Variants in TRPV4 observed in about 807,000 individuals in gnomAD.
The protein encoded by TRPV4 is OSM9-like transient receptor potential channel 4.
A neutral mutation model predicts 84.1 loss-of-function variants in TRPV4; 58 were observed. That is an observed-to-expected ratio of 0.69 (90% CI 0.56 to 0.86). The LOEUF (loss-of-function observed/expected upper bound fraction) is 0.86, where lower values mean the gene tolerates loss of function less well. TRPV4 is among the 40% of genes least tolerant of loss of function. The probability of loss-of-function intolerance (pLI) is 0.00; values close to 1 mark genes in which losing one functional copy is unlikely to be tolerated. For synonymous variants in TRPV4, 489 were observed against 500.9 expected (o/e 0.98, Z 0.32); for missense variants, 879 against 1,181.1 (o/e 0.74, Z 3.75).
At chr12:109,831,784 C>G (rs1232343768) in intron 1 of TRPV4, among the ~76,000 whole-genome samples, 1 of 152,248 alleles carries the variant, frequency 6.6e-6, no homozygotes, top group Non-Finnish European at 1.5e-5. Flanking sequence ...CTGGTTACCT[C>G]CATTTCAAAA....
At chr12:109,788,211 C>G (rs1889812818) in intron 13 of TRPV4, among the ~76,000 whole-genome samples, 189 bp downstream of exon 13, 1 of 152,268 alleles carries the variant, frequency 6.6e-6, no homozygotes, top group Non-Finnish European at 1.5e-5. Flanking sequence ...GAAGCCACCT[C>G]AAAATTCACT....
intron 3 of TRPV4, among the ~76,000 whole-genome samples, chr12:109,807,783 A>G (rs1861809): frequency 0.63 from 95,476 of 151,930 alleles, 31,420 homozygotes; most frequent in East Asian, 0.96. Flanking sequence ...CCCTAAAGCT[A>G]GGCTGGGGTG....
At chr12:109,830,576 G>A (rs1414834303) in intron 1 of TRPV4, among the ~76,000 whole-genome samples, 1 of 152,148 alleles carries the variant, frequency 6.6e-6, no homozygotes, top group African/African-American at 2.4e-5. Flanking sequence ...GCATTCCAGA[G>A]GGCCCACTGG....
At chr12:109,818,507 G>A (rs1891960473) in intron 1 of TRPV4, among the ~76,000 whole-genome samples, 1 of 152,038 alleles carries the variant, frequency 6.6e-6, no homozygotes, top group Non-Finnish European at 1.5e-5. Flanking sequence ...GAGTACCAGG[G>A]TACCACCCGA....
rs776505482 is a variant in TRPV4 at position 109,798,904 on chromosome 12, G to A, written c.862C>T (p.Pro288Ser). The A allele has an allele frequency of 6.2e-7, 1 of 1,610,576 alleles. No homozygotes were observed. Among genetic ancestry groups the A allele is most frequent in the Non-Finnish European group, 8.5e-7 (1 of 1,177,798 alleles). The stretch of plus-strand genomic sequence containing the variant: ...TTGGTGCAGGCAGCCAGCGACAGGG[G>A]CAGCTCCCCTGCGGGCCAGGGTGAA... ...EGGYFYFGEL[P>S]LSLAACTNQP... The change falls in exon 6 of 16, where the codon CCC becomes TCC. Residue 288 changes from proline (P) to serine (S), a missense_variant. Coordinates refer to ENST00000261740, the MANE Select transcript of TRPV4 (RefSeq NM_021625.5). This position sits in a 1 kb window ranked among gnomAD's most constrained non-coding sequence, Gnocchi z 5.0.
intron 1 of TRPV4, among the ~76,000 whole-genome samples, chr12:109,824,941 C>T (rs1191592285): frequency 6.6e-6 from 1 of 152,110 alleles, no homozygotes; most frequent in African/African-American, 2.4e-5. Context: ...ATCTCTGGGC[C>T]TTGGTTTCCT....
intron 1 of TRPV4, among the ~76,000 whole-genome samples, chr12:109,817,118 G>T (rs565852835): frequency 6.6e-6 from 1 of 152,298 alleles, no homozygotes; most frequent in East Asian, 1.9e-4. Flanking sequence ...CAGGAGAGGG[G>T]GATCTGGATC....
At chr12:109,800,410 A>AAG in intron 5 of TRPV4, among the ~76,000 whole-genome samples, 1 of 27,672 alleles carries the variant, frequency 3.6e-5, no homozygotes, top group East Asian at 9.4e-3. Flanking sequence ...GGTCCATGGT[A>AAG]CTCCCCATGG....
rs150934541 is a variant in TRPV4, at chr12:109,801,645, C to T, written c.713-887G>A. On this transcript the variant is annotated intron_variant, in intron 4 of 15. Transcript: ENST00000261740. ...GCATGAGAACGGGCTAATACAACAA[C>T]ATAGTGAGACCCTGTCTCTACAGAA... Among the ~76,000 whole-genome samples, 1,051 of 152,194 alleles carry T rather than the reference C, an allele frequency of 6.9e-3. 8 individuals carry two copies. Among genetic ancestry groups the T allele is most frequent in the Middle Eastern group, 0.014 (4 of 294 alleles).
intron 2 of TRPV4, among the ~76,000 whole-genome samples, chr12:109,808,932 C>A (rs908121581): frequency 2.6e-5 from 4 of 151,396 alleles, no homozygotes; most frequent in African/African-American, 9.7e-5. Flanking sequence ...CTCCATCTAT[C>A]CACCCATCCA....
intron 14 of TRPV4, among the ~76,000 whole-genome samples, chr12:109,784,860 CGTGTGT>C (rs58584964): frequency 3.2e-4 from 39 of 123,802 alleles, no homozygotes; most frequent in South Asian, 1.3e-3. Flanking sequence ...AAAAAAAAGA[CGTGTGT>C]GTGTGTGTGT....
Position 109,798,174 on chromosome 12 carries a change from C to T in TRPV4, c.1152+440G>A, listed in dbSNP as rs1232174430. On this transcript the variant is annotated intron_variant, in intron 6 of 15. Transcript: ENST00000261740. This position sits in a 1 kb window ranked among gnomAD's most constrained non-coding sequence, Gnocchi z 5.0. ...ATCAATGTCTGGCAATAGCACAAGA[C>T]GGTCCCCACCACAAAGAGCCTGCCG... 2.0e-5 allele frequency among the ~76,000 whole-genome samples: 3 copies of T among 152,176 alleles called. No individual in the cohort carries two copies. The highest frequency in any genetic ancestry group is 4.8e-5 in the African/African-American group (2 of 41,438).
intron 1 of TRPV4, among the ~76,000 whole-genome samples, chr12:109,820,254 A>G (rs1892039698): frequency 6.6e-6 from 1 of 152,118 alleles, no homozygotes; most frequent in African/African-American, 2.4e-5. Context: ...AGGAGTGGGC[A>G]AGTTAAGGGG....
At position 109,786,567 on chromosome 12, in the gene TRPV4, G is replaced by A; in HGVS notation, c.2336+143C>T. ...GGGCTGACTTGCCTGAGATCGCCTG[G>A]TGGAAATGAACTCTGCTCGGGCCTC... On this transcript the variant is annotated intron_variant, in intron 14 of 15. Coordinates refer to ENST00000261740, the MANE Select transcript of TRPV4 (RefSeq NM_021625.5). The surrounding 1 kb of genome is among the most constrained non-coding windows in gnomAD (Gnocchi z 4.5). 9.2e-7 allele frequency: 1 copy of A among 1,082,648 alleles called. No homozygotes were observed. The highest frequency in any genetic ancestry group is 1.3e-6 in the Non-Finnish European group (1 of 745,050). 67.1% of individuals were successfully genotyped at this position (1,082,648 alleles called of 1,614,324 possible). A position where few individuals can be genotyped will look rare whatever the true frequency, so the allele number is the denominator to read the frequency against.
intron 4 of TRPV4, among the ~76,000 whole-genome samples, chr12:109,801,320 T>C (rs1890769665): frequency 1.3e-5 from 2 of 152,208 alleles, no homozygotes; most frequent in Admixed American, 1.3e-4. Context: ...GTAGTTCCCA[T>C]AATCCCCATG....
intron 1 of TRPV4, among the ~76,000 whole-genome samples, chr12:109,823,343 C>T (rs1264573328): frequency 6.6e-6 from 1 of 152,202 alleles, no homozygotes; most frequent in Non-Finnish European, 1.5e-5. Flanking sequence ...GGTGACTCAC[C>T]GCGCCCCACG....
intron 4 of TRPV4, 81 bp from the exon 5 acceptor site, chr12:109,800,839 G>T: frequency 7.8e-7 from 1 of 1,287,314 alleles, no homozygotes; most frequent in Non-Finnish European, 1.1e-6. Flanking sequence ...GTAGGGTGCA[G>T]GACGTAGAAA....
intron 1 of TRPV4, among the ~76,000 whole-genome samples, chr12:109,822,725 A>G (rs972848984): frequency 1.3e-5 from 2 of 152,158 alleles, no homozygotes; most frequent in Non-Finnish European, 2.9e-5. Flanking sequence ...AGCTCTGGGC[A>G]AGTCACCTGG....
At chr12:109,808,889 C>A (rs1193205089) in intron 2 of TRPV4, among the ~76,000 whole-genome samples, 3 of 151,360 alleles carry the variant, frequency 2.0e-5, no homozygotes, top group Admixed American at 2.0e-4. Flanking sequence ...ATCCAACCAT[C>A]ACTCATCCAT....
Sources: gnomAD v4.1 joint callset for allele counts (sites outside exome capture counted in the v4.1 genomes callset) on GRCh38, gnomAD v4.1.1 for gene constraint, Gnocchi (gnomAD v3.1) non-coding constraint, MANE v1.5 for transcripts, NCBI Gene and HGNC (gene_info 2026-07-23, HGNC 2026-07-21) for gene names.